CALN1: variants seen among roughly 807,000 people sequenced by gnomAD.
CALN1 encodes calneuron 1.
CALN1 carries 17 observed loss-of-function variants against 30.6 expected under a neutral mutation model. That is an observed-to-expected ratio of 0.56 (90% CI 0.38 to 0.83). CALN1 has a LOEUF of 0.83. Among genes scored for constraint, CALN1 ranks in the 40% least tolerant of loss-of-function variants. The pLI is 0.00. For synonymous variants in CALN1, 156 were observed against 131.4 expected, an observed-to-expected ratio of 1.19 and a Z score of -1.28; for missense variants, 291 against 354.9, an observed-to-expected ratio of 0.82 and a Z score of 1.45.
rs113679038 is a variant in CALN1 at position 71,873,903 on chromosome 7, C to T, written c.502-63411G>A. Among the ~76,000 whole-genome samples the T allele has an allele frequency of 8.7e-3, 1,331 of 152,332 alleles. 14 individuals are homozygous for T. Among genetic ancestry groups the T allele is most frequent in the African/African-American group, 0.03 (1,250 of 41,576 alleles). On this transcript the variant is annotated intron_variant, in intron 5 of 6. Coordinates refer to ENST00000395275, the MANE Select transcript of CALN1 (RefSeq NM_031468.4). ...TGAGGATTTTAAGCCTTGATATATA[C>T]ATTCAACTAACCTGACCATAAGTAG...
rs758159262 is a variant in CALN1 at position 71,862,984 on chromosome 7, C to T, written c.502-52492G>A. On this transcript the variant is annotated intron_variant, in intron 5 of 6. Coordinates refer to ENST00000395275, the MANE Select transcript of CALN1 (RefSeq NM_031468.4). The stretch of plus-strand genomic sequence containing the variant: ...CTATTATGAAACAACAACGGCTGGG[C>T]GTGGTGGCTCACGCCTATAATCCCA... Among the ~76,000 whole-genome samples, 263 of 152,280 alleles carry T rather than the reference C, an allele frequency of 1.7e-3. 2 individuals carry two copies. The highest frequency in any genetic ancestry group is 3.0e-3 in the Non-Finnish European group (203 of 68,016).
At chr7:72,162,903 G>A (rs914631616) in intron 3 of CALN1, among the ~76,000 whole-genome samples, 2 of 152,216 alleles carry the variant, frequency 1.3e-5, no homozygotes, top group Non-Finnish European at 2.9e-5. Context: ...TGCCAGAAGA[G>A]TTACAAATAG....
At chr7:72,243,324 A>G (rs926630893) in intron 3 of CALN1, among the ~76,000 whole-genome samples, 1 of 152,250 alleles carries the variant, frequency 6.6e-6, no homozygotes, top group African/African-American at 2.4e-5. Context: ...CTAGCCCTTT[A>G]GAACTATGAG....
intron 5 of CALN1, among the ~76,000 whole-genome samples, chr7:71,936,784 C>G (rs1355192204): frequency 6.6e-6 from 1 of 152,130 alleles, no homozygotes; most frequent in Non-Finnish European, 1.5e-5. Context: ...TCCCATAATT[C>G]CCATGTGTTA....
rs527655659 is a variant in CALN1, at chr7:72,265,589, C to G, written c.244+13097G>C. 5.9e-5 allele frequency among the ~76,000 whole-genome samples: 9 copies of G among 152,144 alleles called. No homozygotes were observed. The South Asian group carries it at 1.9e-3, about 32-fold the overall frequency. ...CTTAATTAGCTTACTAGATCTGTTA[C>G]AATGCATTTCTGTTGAAAATGAAAG... On this transcript the variant is annotated intron_variant, in intron 3 of 6. Transcript: ENST00000395275.
intron 5 of CALN1, among the ~76,000 whole-genome samples, chr7:71,856,747 G>C (rs1003857968): frequency 2.6e-5 from 4 of 152,238 alleles, no homozygotes; most frequent in African/African-American, 9.6e-5. Flanking sequence ...TTGAGGTCAG[G>C]AGTTCAAGAC....
chr7:71,924,815 T>C (rs531174337), intron 5 of CALN1, among the ~76,000 whole-genome samples: 1 of 152,354 alleles, frequency 6.6e-6, no homozygotes, highest in African/African-American at 2.4e-5. Context: ...TCATTTAACT[T>C]TGACATGTGC....
At chr7:72,236,352 A>G (rs1794475006) in intron 3 of CALN1, among the ~76,000 whole-genome samples, 1 of 152,198 alleles carries the variant, frequency 6.6e-6, no homozygotes, top group South Asian at 2.1e-4. Flanking sequence ...CAGTGTTCAG[A>G]GCCACTCATC....
intron 1 of CALN1, among the ~76,000 whole-genome samples, chr7:72,409,158 G>A (rs1488538018): frequency 6.6e-6 from 1 of 151,836 alleles, no homozygotes; most frequent in African/African-American, 2.4e-5. Flanking sequence ...ACCGCTCCTG[G>A]CTAATTTTTG....
chr7:71,827,775 A>AAAAAAAAAAAAATAAAT (rs1554347603), intron 5 of CALN1, among the ~76,000 whole-genome samples: 2 of 140,340 alleles, frequency 1.4e-5, no homozygotes, highest in African/African-American at 5.4e-5. Context: ...CCATCTTAAA[A>AAAAAAAAAAAAATAAAT]AAATAAATAA....
chr7:71,842,061 C>A (rs570291165), intron 5 of CALN1, among the ~76,000 whole-genome samples: 18 of 151,752 alleles, frequency 1.2e-4, no homozygotes, highest in Non-Finnish European at 1.9e-4. Context: ...AGGGTCCGTG[C>A]CAGTTTGTTA....
the CALN1 span, among the ~76,000 whole-genome samples, chr7:72,503,027 T>A: frequency 0.029 from 4,452 of 152,132 alleles, 210 homozygotes; most frequent in African/African-American, 0.099. Context: ...GTGGCTATAA[T>A]CCCAGTTATT....
chr7:71,908,429 A>G (rs1794253368), intron 5 of CALN1, among the ~76,000 whole-genome samples: 1 of 152,208 alleles, frequency 6.6e-6, no homozygotes, highest in African/African-American at 2.4e-5. Context: ...CAGAACATAA[A>G]TCACAAAGTT....
intron 3 of CALN1, among the ~76,000 whole-genome samples, chr7:72,106,967 GAGAA>G (rs936780075): frequency 4.0e-5 from 6 of 149,890 alleles, no homozygotes; most frequent in African/African-American, 1.5e-4. Flanking sequence ...TGAAGAAAGG[GAGAA>G]AGAGAGAAAG....
chr7:72,152,438 G>C (rs1009703319), intron 3 of CALN1, among the ~76,000 whole-genome samples: 1 of 152,098 alleles, frequency 6.6e-6, no homozygotes, highest in Non-Finnish European at 1.5e-5. Context: ...AGTTTGCATG[G>C]TGCGAGAGAG....
At chr7:72,160,718 T>C (rs1300762864) in intron 3 of CALN1, among the ~76,000 whole-genome samples, 1 of 152,214 alleles carries the variant, frequency 6.6e-6, no homozygotes, top group Non-Finnish European at 1.5e-5. Flanking sequence ...AGTAAGGAGC[T>C]ACTTATTATC....
At chr7:72,139,694 T>C (rs375498307) in intron 3 of CALN1, among the ~76,000 whole-genome samples, 9 of 152,116 alleles carry the variant, frequency 5.9e-5, no homozygotes, top group African/African-American at 1.9e-4. Flanking sequence ...TCCTCAGCCA[T>C]GTCCATCCTC....
intron 3 of CALN1, among the ~76,000 whole-genome samples, chr7:72,205,551 A>AAATATATACGTATATATATAT: frequency 1.2e-5 from 1 of 83,044 alleles, no homozygotes; most frequent in African/African-American, 7.4e-5. Flanking sequence ...GCAAAAAAAA[A>AAATATATACGTATATATATAT]ATATATATAT....
chr7:71,887,501 G>T lies in CALN1; in HGVS notation c.502-77009C>A, dbSNP rs558643131. ...GTAGAGACGGGGTTTCTCCATGTTGGTGGTCAGGCTAGTCTTGAACCCCCC... is the reference window on the plus strand; with the variant it reads ...GTAGAGACGGGGTTTCTCCATGTTGTTGGTCAGGCTAGTCTTGAACCCCCC... On this transcript the variant is annotated intron_variant, in intron 5 of 6. Transcript: ENST00000395275. Among the ~76,000 whole-genome samples, 12 of 152,172 alleles carry T rather than the reference G, an allele frequency of 7.9e-5. No individual in the cohort carries two copies. The East Asian group carries it at 2.1e-3, about 27-fold the overall frequency.
Sources: gnomAD v4.1 joint callset for allele counts (sites outside exome capture counted in the v4.1 genomes callset) on GRCh38, gnomAD v4.1.1 for gene constraint, MANE v1.5 for transcripts, NCBI Gene and HGNC (gene_info 2026-07-23, HGNC 2026-07-21) for gene names.